Variants in SPON2 observed in about 807,000 individuals in gnomAD.
SPON2 encodes the protein spondin 2, also known as spondin-2.
A neutral mutation model predicts 29.9 loss-of-function variants in SPON2; 32 were observed. The observed-to-expected ratio is 1.07, with a 90% confidence interval of 0.81 to 1.44. The LOEUF (loss-of-function observed/expected upper bound fraction) is 1.44, where lower values mean the gene tolerates loss of function less well. Among genes scored for constraint, SPON2 ranks in the 40% most tolerant of loss-of-function variants. The probability of loss-of-function intolerance (pLI) is 0.00; values close to 1 mark genes in which losing one functional copy is unlikely to be tolerated. For synonymous variants in SPON2, 248 were observed against 209.1 expected, an observed-to-expected ratio of 1.19 and a Z score of -1.61; for missense variants, 541 against 455.5, an observed-to-expected ratio of 1.19 and a Z score of -1.71.
chr4:1,194,273 G>C (rs764025836), intron 1 of SPON2, among the ~76,000 whole-genome samples: 1 of 152,180 alleles, frequency 6.6e-6, no homozygotes, highest in Non-Finnish European at 1.5e-5. Flanking sequence ...GTCATTGGGA[G>C]GTGGCCCAGT....
intron 1 of SPON2, among the ~76,000 whole-genome samples, chr4:1,206,329 G>A (rs1478129439): frequency 6.6e-6 from 1 of 152,218 alleles, no homozygotes; most frequent in Non-Finnish European, 1.5e-5. Context: ...AGCTCCCCTG[G>A]GCTGACCGTG....
chr4:1,176,797 A>G (rs1727609724), upstream of SPON2, among the ~76,000 whole-genome samples: 1 of 152,104 alleles, frequency 6.6e-6, no homozygotes, highest in Non-Finnish European at 1.5e-5. Flanking sequence ...TTCATACAGT[A>G]CATTCATGCA....
upstream of SPON2, among the ~76,000 whole-genome samples, chr4:1,197,310 G>C (rs114172137): frequency 2.5e-3 from 384 of 152,290 alleles, 2 homozygotes; most frequent in African/African-American, 9.0e-3. Context: ...GAACTAAAAA[G>C]TAGAATAATT....
At chr4:1,182,519 C>T (rs570287264) in intron 1 of SPON2, among the ~76,000 whole-genome samples, 1 of 152,156 alleles carries the variant, frequency 6.6e-6, no homozygotes, top group East Asian at 1.9e-4. Flanking sequence ...AACTTGAAGA[C>T]AGGACAATGG....
At chr4:1,188,462 C>T (rs763865811) in intron 1 of SPON2, among the ~76,000 whole-genome samples, 3 of 152,210 alleles carry the variant, frequency 2.0e-5, no homozygotes, top group Non-Finnish European at 4.4e-5. Context: ...ATTCAACGCA[C>T]ATTCAAAGAC....
intron 2 of SPON2, among the ~76,000 whole-genome samples, chr4:1,178,605 C>T (rs1363419737): frequency 6.6e-6 from 1 of 152,112 alleles, no homozygotes; most frequent in African/African-American, 2.4e-5. Flanking sequence ...CTTCTTCCTG[C>T]CATACAGGCC....
intron 1 of SPON2, among the ~76,000 whole-genome samples, chr4:1,204,322 C>G (rs1020110161): frequency 3.9e-5 from 6 of 152,308 alleles, no homozygotes; most frequent in African/African-American, 1.4e-4. Flanking sequence ...CAGAGAAATG[C>G]TACTGTGTGA....
At chr4:1,200,494 C>T (rs892132231) in intron 1 of SPON2, 12 of 292,120 alleles carry the variant, frequency 4.1e-5, no homozygotes, top group Admixed American at 9.6e-5. Context: ...TCAGCGGGGG[C>T]GGGGGCGGGC....
Position 1,171,054 on chromosome 4 carries a change from C to T in SPON2, c.581G>A (p.Gly194Asp), listed in dbSNP as rs145157975. The T allele has an allele frequency of 6.5e-7, 1 of 1,548,966 alleles. No homozygotes were observed. Among genetic ancestry groups the T allele is most frequent in the South Asian group, 1.2e-5 (1 of 83,808 alleles). ...GAAGTTGGGGGAGGAGAAGGTGAAG[C>T]CGCTGTCCGTCCCGGCGTCGTAGGG... ...LYPYDAGTDSGFTFSSPNFAT... is the reference protein window; with the variant it reads ...LYPYDAGTDSDFTFSSPNFAT... The change falls in exon 4 of 6, where the codon GGC becomes GAC. Residue 194 changes from glycine to aspartate, a missense_variant. Physicochemically the swap from Gly to Asp is moderately conservative, Grantham distance 94. Transcript: ENST00000290902.
At chr4:1,192,793 C>T (rs1447275546) in intron 1 of SPON2, among the ~76,000 whole-genome samples, 4 of 152,194 alleles carry the variant, frequency 2.6e-5, no homozygotes, top group Non-Finnish European at 5.9e-5. Flanking sequence ...AGGGAGATGC[C>T]ACCGGCCAAG....
upstream of SPON2, among the ~76,000 whole-genome samples, chr4:1,173,740 C>A (rs759335113): frequency 2.6e-5 from 4 of 152,208 alleles, no homozygotes; most frequent in Non-Finnish European, 5.9e-5. Context: ...ATAGAAGCAA[C>A]TAGGACAGAA....
chr4:1,177,606 C>G (rs1727628733), upstream of SPON2, among the ~76,000 whole-genome samples: 1 of 152,172 alleles, frequency 6.6e-6, no homozygotes, highest in Non-Finnish European at 1.5e-5. Context: ...TGGCCCTGCC[C>G]CGGGCCCCAG....
chr4:1,198,266 G>A (rs1014635645), upstream of SPON2, among the ~76,000 whole-genome samples: 2 of 152,254 alleles, frequency 1.3e-5, no homozygotes, highest in African/African-American at 2.4e-5. Context: ...CTGGATGAGC[G>A]GCACCACGCA....
intron 1 of SPON2, among the ~76,000 whole-genome samples, chr4:1,206,599 C>G (rs368181925): frequency 6.6e-6 from 1 of 152,236 alleles, no homozygotes; most frequent in Non-Finnish European, 1.5e-5. Context: ...CCTCAGGGAA[C>G]GGGGACCCAG....
intron 1 of SPON2, among the ~76,000 whole-genome samples, chr4:1,206,788 C>T (rs893220514): frequency 1.3e-5 from 2 of 151,952 alleles, no homozygotes; most frequent in Non-Finnish European, 2.9e-5. Flanking sequence ...CAGTCTAAGG[C>T]GAACCCCAGG....
chr4:1,188,044 A>C (rs969409248), intron 1 of SPON2, among the ~76,000 whole-genome samples: 4 of 151,500 alleles, frequency 2.6e-5, no homozygotes, highest in Non-Finnish European at 5.9e-5. Flanking sequence ...TCTACTAAAA[A>C]ATACAAAAAA....
chr4:1,173,636 G>C (rs1384775623), upstream of SPON2, among the ~76,000 whole-genome samples: 1 of 152,228 alleles, frequency 6.6e-6, no homozygotes, highest in Non-Finnish European at 1.5e-5. Flanking sequence ...TCTGCTCATC[G>C]GAATCACCCA....
chr4:1,196,379 A>G (rs1432518638), upstream of SPON2, among the ~76,000 whole-genome samples: 1 of 152,220 alleles, frequency 6.6e-6, no homozygotes, highest in Non-Finnish European at 1.5e-5. Flanking sequence ...TGTGAGCTCC[A>G]TGGGAACCTC....
intron 1 of SPON2, chr4:1,194,962 ACTCCAACCCCGCAGCCGGC>A (rs1728018857): frequency 9.0e-5 from 2 of 22,108 alleles, no homozygotes; most frequent in East Asian, 1.3e-3. Context: ...GCAGCCGGCG[ACTCCAACCCCGCAGCCGGC>A]GGCCTCACCT....
Sources: allele counts gnomAD v4.1 joint callset (sites outside exome capture counted in the v4.1 genomes callset), GRCh38; gene constraint gnomAD v4.1.1; transcripts MANE v1.5; gene names NCBI Gene and HGNC (gene_info 2026-07-23, HGNC 2026-07-21).